Variants in NIPBL observed in about 807,000 individuals in gnomAD.
NIPBL encodes nipped-B-like protein.
Under a neutral mutation model 321.8 loss-of-function variants are expected in NIPBL, and 19 were observed. That is an observed-to-expected ratio of 0.06 (90% confidence interval 0.04 to 0.09). The LOEUF is 0.09. Ranked by LOEUF, NIPBL falls within the 10% of genes least tolerant of loss-of-function variation. NIPBL has a pLI of 1.00. For missense variants in NIPBL, 2,210 were observed against 3,327.0 expected, an observed-to-expected ratio of 0.66 and a Z score of 8.26; for synonymous variants, 1,106 against 1,114.1, an observed-to-expected ratio of 0.99 and a Z score of 0.14.
intron 32 of NIPBL, among the ~76,000 whole-genome samples, chr5:37,028,134 GT>G (rs927149488): frequency 6.0e-5 from 9 of 151,214 alleles, no homozygotes; most frequent in African/African-American, 1.9e-4. Flanking sequence ...CAACTAGTGG[GT>G]TTTTTTTAAG....
chr5:36,962,958 G>T (rs1237552809), intron 6 of NIPBL, among the ~76,000 whole-genome samples: 1 of 152,032 alleles, frequency 6.6e-6, no homozygotes, highest in Non-Finnish European at 1.5e-5. Flanking sequence ...GATACTGAGG[G>T]ATGACTACTA....
chr5:36,982,701 C>T (rs757861856), intron 9 of NIPBL, among the ~76,000 whole-genome samples: 12 of 151,634 alleles, frequency 7.9e-5, no homozygotes, highest in Non-Finnish European at 1.3e-4. Context: ...AATGTCTTTA[C>T]GTAAATTGGA....
At chr5:36,914,796 A>G (rs1460308666) in intron 1 of NIPBL, among the ~76,000 whole-genome samples, 1 of 152,182 alleles carries the variant, frequency 6.6e-6, no homozygotes, top group Non-Finnish European at 1.5e-5. Context: ...TTTCAAAACT[A>G]TATAATAAAT....
In NIPBL at chr5:37,044,546, T is replaced by C. The variant is rs1752777728; in HGVS notation, c.6249+59T>C. ...AGTGTAAAGTTCTAATGTATTTTATTAAAATTTTTAAAGCAAATATTTGTA... is the reference window on the plus strand; with the variant it reads ...AGTGTAAAGTTCTAATGTATTTTATCAAAATTTTTAAAGCAAATATTTGTA... On this transcript the variant is annotated intron_variant, in intron 35 of 46. Transcript: ENST00000282516. 2.5e-6 allele frequency: 4 copies of C among 1,585,574 alleles called. No homozygotes were observed. In the East Asian group the frequency reaches 9.1e-5, roughly 36 times the overall value.
intron 32 of NIPBL, among the ~76,000 whole-genome samples, chr5:37,028,398 G>A (rs952633127): frequency 9.6e-5 from 14 of 145,628 alleles, no homozygotes; most frequent in East Asian, 6.1e-4. Flanking sequence ...GTGCAGTGGC[G>A]CCATCTTGGC....
rs548440079 is a variant in NIPBL at position 36,898,605 on chromosome 5, A to G, written c.-80+21427A>G. Among the ~76,000 whole-genome samples, 5 of 147,482 alleles carry G rather than the reference A, an allele frequency of 3.4e-5. No homozygotes were observed. In the East Asian group the frequency reaches 8.0e-4, roughly 24 times the overall value. The stretch of plus-strand genomic sequence containing the variant: ...CAGCTCACCACAACCTCCGCCTCCC[A>G]GGTTCAAGTGATTCTCCTGTCTCAG... On this transcript the variant is annotated intron_variant, in intron 1 of 46. Coordinates refer to ENST00000282516, the MANE Select transcript of NIPBL (RefSeq NM_133433.4).
intron 1 of NIPBL, among the ~76,000 whole-genome samples, chr5:36,904,300 C>T (rs1379713430): frequency 1.3e-5 from 2 of 152,182 alleles, no homozygotes; most frequent in Admixed American, 1.3e-4. Context: ...GAAACCCTAT[C>T]TCTGCTAAAA....
intron 31 of NIPBL, 114 bp downstream of exon 31, chr5:37,026,441 G>T (rs1043589507): frequency 3.1e-5 from 22 of 718,050 alleles, no homozygotes; most frequent in African/African-American, 2.8e-4. Flanking sequence ...TTGACATTTC[G>T]TACTGCTGCC....
intron 42 of NIPBL, among the ~76,000 whole-genome samples, chr5:37,053,093 C>T (rs998314363): frequency 6.6e-6 from 1 of 152,128 alleles, no homozygotes; most frequent in Non-Finnish European, 1.5e-5. Flanking sequence ...TATATACAGT[C>T]ATGCATCACT....
chr5:36,936,516 T>C (rs1355325736), intron 1 of NIPBL, among the ~76,000 whole-genome samples: 2 of 152,186 alleles, frequency 1.3e-5, no homozygotes, highest in African/African-American at 4.8e-5. Flanking sequence ...AGGTACATTC[T>C]GTTATATTTG....
At position 36,958,258 on chromosome 5, in the gene NIPBL, A is replaced by G. The variant is rs201511406; in HGVS notation, c.358+27A>G. 88 of 1,610,652 alleles carry G rather than the reference A, an allele frequency of 5.5e-5. No homozygotes were observed. The Middle Eastern group carries it at 2.1e-3, about 39-fold the overall frequency. On this transcript the variant is annotated intron_variant, in intron 4 of 46. Coordinates refer to ENST00000282516, the MANE Select transcript of NIPBL (RefSeq NM_133433.4). ...TGAGTTTCTTAATAACTGAATTCCC[A>G]TATCAAACTTGTTTTATACATATTT... is the stretch of plus-strand genomic sequence containing the variant.
At chr5:36,927,946 G>A (rs879280874) in intron 1 of NIPBL, among the ~76,000 whole-genome samples, 3 of 151,664 alleles carry the variant, frequency 2.0e-5, no homozygotes, top group East Asian at 1.9e-4. Context: ...TCAGCCTCCC[G>A]AAGTAGATTA....
chr5:37,062,883 G>A (rs1338440737), intron 45 of NIPBL, among the ~76,000 whole-genome samples: 2 of 151,500 alleles, frequency 1.3e-5, no homozygotes, highest in African/African-American at 4.9e-5. Context: ...TCGTGCCACT[G>A]CACTTCAGCC....
In NIPBL at chr5:36,955,700, G is replaced by A. The variant is rs1330432584; in HGVS notation, c.230+63G>A. ...AGTTTTGGCCTTACTAAGAGAATCCGTATTCCTGGTTTTATTTCAGAAATT... is the reference window on the plus strand; with the variant it reads ...AGTTTTGGCCTTACTAAGAGAATCCATATTCCTGGTTTTATTTCAGAAATT... On this transcript the variant is annotated intron_variant, in intron 3 of 46. Transcript: ENST00000282516. 32 of 1,314,836 alleles carry A rather than the reference G, an allele frequency of 2.4e-5. No homozygotes were observed. In the South Asian group the frequency reaches 2.6e-4, roughly 11 times the overall value. The allele number at this position is 1,314,836 out of a possible 1,614,324, so 81.4% of individuals were successfully genotyped here.
In NIPBL at chr5:37,058,907, A is replaced by G. The variant is rs1421392587; in HGVS notation, c.7427A>G (p.Lys2476Arg). 1.9e-6 allele frequency: 3 copies of G among 1,614,124 alleles called. No individual in the cohort carries two copies. The highest frequency in any genetic ancestry group is 2.5e-6 in the Non-Finnish European group (3 of 1,180,014). ...QSFKESMVKD[K>R]RKERKSSPSK... ...TTCTTTCAGTCTATGGTAAAGGACA[A>G]AAGGAAAGAGAGAAAATCATCACCT... The change falls in exon 44 of 47, where the codon AAA becomes AGA. Residue 2476 changes from lysine (K) to arginine (R), a missense_variant. Physicochemically the swap from Lys to Arg is conservative, Grantham distance 26. Coordinates refer to ENST00000282516, the MANE Select transcript of NIPBL (RefSeq NM_133433.4).
chr5:36,977,112 G>A (rs1273983599), intron 9 of NIPBL, among the ~76,000 whole-genome samples: 1 of 151,972 alleles, frequency 6.6e-6, no homozygotes, highest in Admixed American at 6.6e-5. Flanking sequence ...GGTATACACT[G>A]TATACAAAAT....
rs564449078 is a variant in NIPBL at position 36,962,423 on chromosome 5, A to G, written c.610+149A>G. On this transcript the variant is annotated intron_variant, in intron 6 of 46. Transcript: ENST00000282516. ...CCTTTTTAAAGATATGGCTTAAATC[A>G]TTAAAACAATGTTACACTTACCATT... The G allele has an allele frequency of 2.8e-5, 24 of 857,116 alleles. No individual in the cohort carries two copies. The South Asian group carries it at 3.5e-4, about 13-fold the overall frequency. The allele number at this position is 857,116 out of a possible 1,614,324, so 53.1% of individuals were successfully genotyped here. A position where few individuals can be genotyped will look rare whatever the true frequency, so the allele number is the denominator to read the frequency against.
chr5:36,888,176 A>G (rs1302221303), intron 1 of NIPBL, among the ~76,000 whole-genome samples: 1 of 152,130 alleles, frequency 6.6e-6, no homozygotes, highest in Non-Finnish European at 1.5e-5. Context: ...AGTAATATGT[A>G]TTTAGTATTG....
intron 44 of NIPBL, among the ~76,000 whole-genome samples, chr5:37,059,739 TA>T (rs1199362170): frequency 6.6e-6 from 1 of 152,218 alleles, no homozygotes; most frequent in African/African-American, 2.4e-5. Context: ...AGACTCAAGC[TA>T]ACCTTAAAAT....
Sources: gnomAD v4.1 joint callset for allele counts (sites outside exome capture counted in the v4.1 genomes callset) on GRCh38, gnomAD v4.1.1 for gene constraint, MANE v1.5 for transcripts, NCBI Gene and HGNC (gene_info 2026-07-23, HGNC 2026-07-21) for gene names.